Variants in PRMT8 observed in about 807,000 individuals in gnomAD.
PRMT8 encodes protein arginine methyltransferase 8, also known as protein arginine N-methyltransferase 8.
PRMT8 carries 7 observed loss-of-function variants against 47.1 expected under a neutral mutation model. The observed-to-expected ratio is 0.15, with a 90% CI of 0.08 to 0.28. PRMT8 has a LOEUF of 0.28. PRMT8 is among the 10% of genes least tolerant of loss of function. The pLI is 1.00. For missense variants in PRMT8, 237 were observed against 505.4 expected, an observed-to-expected ratio of 0.47 and a Z score of 5.09; for synonymous variants, 188 against 186.5, an observed-to-expected ratio of 1.01 and a Z score of -0.07.
At chr12:3,443,127 A>C (rs1864820892) in intron 1 of PRMT8, among the ~76,000 whole-genome samples, 1 of 152,184 alleles carries the variant, frequency 6.6e-6, no homozygotes, top group South Asian at 2.1e-4. Flanking sequence ...TGAATGAGTG[A>C]TCCTAAGACA....
rs964274317 is a variant in PRMT8 at position 3,538,472 on chromosome 12, G to A, written c.76-2134G>A. 44 of 364,422 alleles carry A rather than the reference G, an allele frequency of 1.2e-4. No homozygotes were observed. Among genetic ancestry groups the A allele is most frequent in the African/African-American group, 1.5e-4 (7 of 47,012 alleles). The allele number at this position is 364,422 out of a possible 1,614,324, so 22.6% of individuals were successfully genotyped here. A position where few individuals can be genotyped will look rare whatever the true frequency, so the allele number is the denominator to read the frequency against. ...TGTTCAGGGATCACAGGCCACTGCC[G>A]TTTCCCACCCACTCCCAGCCTCCGG... On this transcript the variant is annotated intron_variant, in intron 1 of 9. Transcript: ENST00000382622. This position sits in a 1 kb window ranked among gnomAD's most constrained non-coding sequence, Gnocchi z 4.6.
At chr12:3,467,467 C>T (rs1865112617) in intron 1 of PRMT8, among the ~76,000 whole-genome samples, 1 of 151,910 alleles carries the variant, frequency 6.6e-6, no homozygotes, top group Non-Finnish European at 1.5e-5. Context: ...GCAGAGACAA[C>T]TTTAAAGTGA....
chr12:3,547,184 G>A lies in PRMT8; in HGVS notation c.262-2752G>A, dbSNP rs578230753. Reference sequence around the variant, plus strand: ...TTAATGGATATATTATTGGAACAAAGGAAGGATGTCTGTCCTCTGTAATTC... The same window carrying A: ...TTAATGGATATATTATTGGAACAAAAGAAGGATGTCTGTCCTCTGTAATTC... On this transcript the variant is annotated intron_variant, in intron 2 of 9. Transcript: ENST00000382622. 3.9e-5 allele frequency among the ~76,000 whole-genome samples: 6 copies of A among 152,302 alleles called. No individual in the cohort carries two copies. In the East Asian group the frequency reaches 1.2e-3, roughly 29 times the overall value.
chr12:3,396,972 A>T (rs960289557), intron 1 of PRMT8, among the ~76,000 whole-genome samples: 7 of 151,588 alleles, frequency 4.6e-5, no homozygotes, highest in African/African-American at 1.7e-4. Context: ...TTCATCTTCC[A>T]TCGCTGATAC....
At chr12:3,463,764 A>T (rs756365151) in intron 1 of PRMT8, among the ~76,000 whole-genome samples, 1 of 152,038 alleles carries the variant, frequency 6.6e-6, no homozygotes, top group Non-Finnish European at 1.5e-5. Flanking sequence ...TGGCCACAAG[A>T]CTCTCAATGA....
Position 3,580,083 on chromosome 12 carries a change from C to G in PRMT8, c.829-2975C>G, listed in dbSNP as rs932545639. Among the ~76,000 whole-genome samples, 1 of 152,142 alleles carries G rather than the reference C, an allele frequency of 6.6e-6. No individual in the cohort carries two copies. The highest frequency in any genetic ancestry group is 2.4e-5 in the African/African-American group (1 of 41,428). ...TTTTGAAGCCTAGCTACAGCTGATC[C>G]CATCCTCACAGATGGCCTGGACCCC... is the stretch of plus-strand genomic sequence containing the variant. On this transcript the variant is annotated intron_variant, in intron 7 of 9. Coordinates refer to ENST00000382622, the MANE Select transcript of PRMT8 (RefSeq NM_019854.5). This position sits in a 1 kb window ranked among gnomAD's most constrained non-coding sequence, Gnocchi z 4.6.
intron 1 of PRMT8, among the ~76,000 whole-genome samples, chr12:3,521,294 C>T (rs1332865216): frequency 6.6e-6 from 1 of 152,160 alleles, no homozygotes; most frequent in African/African-American, 2.4e-5. Context: ...TATGGGTGGG[C>T]CAGGCATGGT....
chr12:3,434,549 C>T (rs1864717056), intron 1 of PRMT8, among the ~76,000 whole-genome samples: 1 of 152,154 alleles, frequency 6.6e-6, no homozygotes, highest in South Asian at 2.1e-4. Context: ...GTCCAGATCC[C>T]CTACAGATTC....
At chr12:3,482,703 G>A (rs1294054386) in intron 1 of PRMT8, among the ~76,000 whole-genome samples, 1 of 152,120 alleles carries the variant, frequency 6.6e-6, no homozygotes, top group Admixed American at 6.5e-5. Context: ...ACTTGTATGT[G>A]TGCCTGAGAG....
chr12:3,569,571 C>T lies in PRMT8; in HGVS notation c.712+7C>T. 1 of 1,612,584 alleles carries T rather than the reference C, an allele frequency of 6.2e-7. No individual in the cohort carries two copies. Among genetic ancestry groups the T allele is most frequent in the Non-Finnish European group, 8.5e-7 (1 of 1,178,582 alleles). ...AAGGACTTCAAAATCCACTGTAAGT[C>T]CCCTCTTGCTTCTCCGGTGGACTTC... On this transcript the variant is annotated splice_region_variant and intron_variant, in intron 6 of 9. Transcript: ENST00000382622. This position sits in a 1 kb window ranked among gnomAD's most constrained non-coding sequence, Gnocchi z 8.2.
Position 3,492,843 on chromosome 12 carries a change from T to C in PRMT8, c.75+1143T>C, listed in dbSNP as rs1865444610. ...ACAGAGAGCAAACTCCCAGGCTCTA[T>C]TAATAGCTGGGTGTCTGGTGGGGCT... On this transcript the variant is annotated intron_variant, in intron 1 of 9. Transcript: ENST00000382622. This position sits in a 1 kb window ranked among gnomAD's most constrained non-coding sequence, Gnocchi z 7.5. Among the ~76,000 whole-genome samples, 1 of 151,996 alleles carries C rather than the reference T, an allele frequency of 6.6e-6. No homozygotes were observed. Among genetic ancestry groups the C allele is most frequent in the African/African-American group, 2.4e-5 (1 of 41,400 alleles).
In PRMT8 at chr12:3,557,625, G is replaced by C. The variant is rs975872850; in HGVS notation, c.481+3911G>C. On this transcript the variant is annotated intron_variant, in intron 4 of 9. Coordinates refer to ENST00000382622, the MANE Select transcript of PRMT8 (RefSeq NM_019854.5). This position sits in a 1 kb window ranked among gnomAD's most constrained non-coding sequence, Gnocchi z 4.7. ...TAAAGACAGATAAAGAAAACTGGTC[G>C]ATTCTTTCTCTGGGAGGGTGACACA... Among the ~76,000 whole-genome samples the C allele has an allele frequency of 3.3e-5, 5 of 152,122 alleles. No individual in the cohort carries two copies. The highest frequency in any genetic ancestry group is 1.2e-4 in the African/African-American group (5 of 41,428).
intron 4 of PRMT8, among the ~76,000 whole-genome samples, chr12:3,563,455 A>G (rs751458744): frequency 1.3e-5 from 2 of 152,016 alleles, no homozygotes; most frequent in Admixed American, 6.5e-5. Context: ...ATGCCACTGC[A>G]GCAATAGGGT....
At chr12:3,449,579 G>A (rs1450150874) in intron 1 of PRMT8, among the ~76,000 whole-genome samples, 1 of 151,930 alleles carries the variant, frequency 6.6e-6, no homozygotes, top group Admixed American at 6.6e-5. Flanking sequence ...CTTTTTAATG[G>A]GGTTGTTTTT....
intron 1 of PRMT8, chr12:3,381,525 T>C (rs1864091236): frequency 7.2e-7 from 1 of 1,398,088 alleles, no homozygotes; most frequent in African/African-American, 1.4e-5. Context: ...CCGTGTGGGC[T>C]GTTGGCTTTT....
intron 2 of PRMT8, among the ~76,000 whole-genome samples, chr12:3,549,134 A>G (rs1866375032): frequency 6.6e-6 from 1 of 152,184 alleles, no homozygotes; most frequent in Admixed American, 6.5e-5. Context: ...ATTGACTACA[A>G]AAGGGCATGA....
intron 1 of PRMT8, among the ~76,000 whole-genome samples, chr12:3,382,820 T>C (rs929292279): frequency 5.3e-5 from 8 of 152,226 alleles, no homozygotes; most frequent in African/African-American, 1.9e-4. Context: ...TTTTCTCCTG[T>C]GCCTTTTCTA....
At chr12:3,458,163 C>T (rs1306016768) in intron 1 of PRMT8, among the ~76,000 whole-genome samples, 1 of 152,194 alleles carries the variant, frequency 6.6e-6, no homozygotes, top group Non-Finnish European at 1.5e-5. Flanking sequence ...CCCCGCTATT[C>T]AGCAGTGTTT....
chr12:3,443,478 A>G (rs1437343038), intron 1 of PRMT8, among the ~76,000 whole-genome samples: 2 of 152,100 alleles, frequency 1.3e-5, no homozygotes, highest in Non-Finnish European at 2.9e-5. Flanking sequence ...AATTCACCAT[A>G]AAGTCTTGCC....
Sources: allele counts gnomAD v4.1 joint callset (sites outside exome capture counted in the v4.1 genomes callset), GRCh38; gene constraint gnomAD v4.1.1; non-coding constraint Gnocchi (gnomAD v3.1); transcripts MANE v1.5; gene names NCBI Gene and HGNC (gene_info 2026-07-23, HGNC 2026-07-21).